The following COL6A3 variants were observed in gnomAD, a reference collection of about 807,000 sequenced individuals.
COL6A3 encodes collagen type VI alpha 3 chain.
COL6A3 carries 137 observed loss-of-function variants against 274.1 expected under a neutral mutation model. The ratio of observed to expected loss-of-function variants is 0.50; its 90% CI spans 0.44 to 0.58. The LOEUF (loss-of-function observed/expected upper bound fraction) is 0.58. Among genes scored for constraint, COL6A3 ranks in the 20% least tolerant of loss-of-function variants. The pLI is 0.00. For missense variants in COL6A3, 3,950 were observed against 4,124.9 expected, an observed-to-expected ratio of 0.96 and a Z score of 1.16; for synonymous variants, 1,650 against 1,650.6, an observed-to-expected ratio of 1.00 and a Z score of 0.01.
intron 32 of COL6A3, among the ~76,000 whole-genome samples, chr2:237,345,598 G>GCTCC (rs2077081869): frequency 6.6e-6 from 1 of 152,122 alleles, no homozygotes; most frequent in East Asian, 1.9e-4. Flanking sequence ...AGCTGCCCTG[G>GCTCC]CTCCCTCCGT....
At position 237,378,692 on chromosome 2, in the gene COL6A3, T is replaced by C. The variant is rs777493148; in HGVS notation, c.2441A>G (p.Gln814Arg). The C allele has an allele frequency of 3.1e-6, 5 of 1,613,722 alleles. No homozygotes were observed. The highest frequency in any genetic ancestry group is 4.2e-6 in the Non-Finnish European group (5 of 1,180,038). ...TCCACTAACATATGTGGTTAGGGGC[T>C]GAATCAGCTGCTGAGGCAAAGCTGG... is the stretch of plus-strand genomic sequence containing the variant. ...SLPALPQQLI[Q>R]PLTTYVSGGV... Residue 814 changes from glutamine (Q) to arginine (R), a missense_variant, in exon 6 of 44, where the codon CAG (glutamine) becomes CGG (arginine). Coordinates refer to ENST00000295550, the MANE Select transcript of COL6A3 (RefSeq NM_004369.4).
intron 42 of COL6A3, among the ~76,000 whole-genome samples, chr2:237,330,383 C>T (rs1296000757): frequency 6.6e-6 from 1 of 152,158 alleles, no homozygotes; most frequent in East Asian, 1.9e-4. Flanking sequence ...TGCTCACTGC[C>T]ATTTACAGGC....
Position 237,350,171 on chromosome 2 carries a change from C to T in COL6A3, c.6855G>A (p.Gly2285=), listed in dbSNP as rs3790993. ...PGEPGPKGGI[G]NRGPRGETGD... ...CCGTCTCCCCACGAGGGCCCCGGTT[C>T]CCGATTCCTCCTTTTGGTCCTGGCT... is the stretch of plus-strand genomic sequence containing the variant. Residue 2285 remains glycine, a synonymous_variant, in exon 28 of 44, where the codon GGG becomes GGA. Transcript: ENST00000295550. 1.9e-6 allele frequency: 3 copies of T among 1,613,724 alleles called. No individual in the cohort carries two copies. Among genetic ancestry groups the T allele is most frequent in the African/African-American group, 1.3e-5 (1 of 74,800 alleles).
intron 42 of COL6A3, 69 bp from the exon 43 acceptor site, chr2:237,325,793 C>T: frequency 7.2e-7 from 1 of 1,390,728 alleles, no homozygotes; most frequent in African/African-American, 1.4e-5. Context: ...AGTGCTGGGG[C>T]TGACAGTCTG....
intron 9 of COL6A3, among the ~76,000 whole-genome samples, chr2:237,370,933 G>C (rs1210493254): frequency 6.6e-6 from 1 of 152,140 alleles, no homozygotes; most frequent in Non-Finnish European, 1.5e-5. Context: ...TCTGAACACA[G>C]ACAAAAAGAA....
intron 27 of COL6A3, among the ~76,000 whole-genome samples, chr2:237,350,710 T>C (rs1012766044): frequency 6.6e-5 from 10 of 152,202 alleles, no homozygotes; most frequent in Non-Finnish European, 1.2e-4. Flanking sequence ...ATGATCTAAA[T>C]GTGATTAGCT....
At chr2:237,388,243 T>A in intron 3 of COL6A3, 59 bp from the exon 4 acceptor site, 1 of 1,607,090 alleles carries the variant, frequency 6.2e-7, no homozygotes, top group Non-Finnish European at 8.5e-7. Context: ...CCACATGCAT[T>A]ATTCAGTGTT....
chr2:237,368,948 G>A lies in COL6A3; in HGVS notation c.4515C>T (p.Arg1505=), dbSNP rs753796763. The A allele has an allele frequency of 6.2e-7, 1 of 1,614,198 alleles. No individual in the cohort carries two copies. The highest frequency in any genetic ancestry group is 2.2e-5 in the East Asian group (1 of 44,882). The stretch of plus-strand genomic sequence containing the variant: ...GTGGGGACCCCCCTCTGAGCCTCAG[G>A]CGCCGTATGGCGTCCAGCACCGGGG... ...SQAPVLDAIR[R]LRLRGGSPLN... Residue 1505 remains arginine (R), a synonymous_variant, in exon 10 of 44, where the codon CGC becomes CGT. Coordinates refer to ENST00000295550, the MANE Select transcript of COL6A3 (RefSeq NM_004369.4). This position sits in a 1 kb window ranked among gnomAD's most constrained non-coding sequence, Gnocchi z 4.4.
intron 39 of COL6A3, among the ~76,000 whole-genome samples, chr2:237,338,601 GAA>G (rs911055664): frequency 6.7e-6 from 1 of 150,364 alleles, no homozygotes; most frequent in African/African-American, 2.4e-5. Context: ...CATCTCTACT[GAA>G]AAAAAAATAC....
In COL6A3 at chr2:237,365,830, G is replaced by C; in HGVS notation, c.5706C>G (p.Asp1902Glu). The C allele has an allele frequency of 1.9e-6, 3 of 1,614,198 alleles. No homozygotes were observed. Among genetic ancestry groups the C allele is most frequent in the Non-Finnish European group, 2.5e-6 (3 of 1,180,048 alleles). The change falls in exon 12 of 44, where the codon GAC becomes GAG. Residue 1902 changes from aspartate (D) to glutamate (E), a missense_variant. Physicochemically the swap from Asp to Glu is conservative, Grantham distance 45 (BLOSUM62 2). Transcript: ENST00000295550. ...NTPSGPVEAFDFDEYQPEMLE... is the reference protein window; with the variant it reads ...NTPSGPVEAFEFDEYQPEMLE... The stretch of plus-strand genomic sequence containing the variant: ...GCATCTCTGGCTGGTACTCGTCAAA[G>C]TCAAAGGCCTCCACCGGGCCCGAGG...
chr2:237,336,651 G>A, intron 39 of COL6A3, 119 bp from the exon 40 acceptor site: 1 of 1,009,918 alleles, frequency 9.9e-7, no homozygotes, highest in Non-Finnish European at 1.5e-6. Context: ...AGTTTTTATA[G>A]ATTATGTATA....
At chr2:237,331,708 G>A (rs1044036706) in intron 42 of COL6A3, among the ~76,000 whole-genome samples, 5 of 133,518 alleles carry the variant, frequency 3.7e-5, no homozygotes, top group Non-Finnish European at 7.9e-5. Flanking sequence ...AATTATGCAG[G>A]GCCTTGTTCT....
Position 237,366,960 on chromosome 2 carries a change from C to T in COL6A3, c.5227G>A (p.Val1743Ile). ...PEAGSRLDQR[V>I]PQIAFVITGG... ...GTGATCACAAAGGCAATCTGAGGGA[C>T]CCGCTGGTCCAGGCGGCTGCCTGCC... Residue 1743 changes from valine to isoleucine, a missense_variant, in exon 11 of 44, where the codon GTC becomes ATC. By Grantham distance (29) the Val-to-Ile change is conservative (BLOSUM62 3). This residue lies in a region of COL6A3 where 632 missense variants were observed against 623.4 expected (regional missense o/e 1.01). Coordinates refer to ENST00000295550, the MANE Select transcript of COL6A3 (RefSeq NM_004369.4). 1.2e-6 allele frequency: 2 copies of T among 1,614,268 alleles called. No individual in the cohort carries two copies. Among genetic ancestry groups the T allele is most frequent in the Non-Finnish European group, 1.7e-6 (2 of 1,180,048 alleles).
Position 237,396,756 on chromosome 2 carries a change from G to A in COL6A3, c.62C>T (p.Pro21Leu). Residue 21 changes from proline to leucine, a missense_variant, in exon 2 of 44, where the codon CCT becomes CTT. Around this residue, in one of 5 missense-constraint regions of COL6A3, gnomAD observed 1,934 missense variants for 1,984.3 expected, o/e 0.97. Transcript: ENST00000295550. ...AVFCLFLSGF[P>L]TTHAQQQQAD... is the part of the protein sequence containing the mutation. ...TTGCTGCTGCTGGGCATGAGTTGTA[G>A]GAAAGCCTGAGAGAAAGAGGCAAAA... is the stretch of plus-strand genomic sequence containing the variant. 1.2e-6 allele frequency: 2 copies of A among 1,614,102 alleles called. No homozygotes were observed. The highest frequency in any genetic ancestry group is 1.7e-5 in the Admixed American group (1 of 60,026).
In COL6A3 at chr2:237,339,007, T is replaced by A; in HGVS notation, c.8567+8A>T. The A allele has an allele frequency of 6.2e-7, 1 of 1,609,984 alleles. No homozygotes were observed. Among genetic ancestry groups the A allele is most frequent in the Non-Finnish European group, 8.5e-7 (1 of 1,176,218 alleles). ...ACAATTTTTAAGACAATAATTATAA[T>A]CACTTACACTTGTTTGTGACCAAAC... On this transcript the variant is annotated splice_region_variant and intron_variant, in intron 39 of 43. Coordinates refer to ENST00000295550, the MANE Select transcript of COL6A3 (RefSeq NM_004369.4).
chr2:237,388,170 C>T lies in COL6A3; in HGVS notation c.724G>A (p.Asp242Asn). Residue 242 changes from aspartate to asparagine, a missense_variant, in exon 4 of 44, where the codon GAC becomes AAC. Asp to Asn is a conservative substitution (Grantham distance 23). Around this residue, in one of 5 missense-constraint regions of COL6A3, gnomAD observed 1,934 missense variants for 1,984.3 expected, o/e 0.97. Transcript: ENST00000295550. ...LKDITAQDSA[D>N]IIFLIDGSNN... ...GATCCATCAATAAGGAAAATAATGT[C>T]AGCAGAGTCTTGTGCTTTAAAAGAA... The T allele has an allele frequency of 6.2e-7, 1 of 1,614,038 alleles. No individual in the cohort carries two copies. The highest frequency in any genetic ancestry group is 8.5e-7 in the Non-Finnish European group (1 of 1,180,030).
chr2:237,359,022 G>C lies in COL6A3; in HGVS notation c.6408+13C>G. The C allele has an allele frequency of 6.2e-7, 1 of 1,612,658 alleles. No individual in the cohort carries two copies. The highest frequency in any genetic ancestry group is 8.5e-7 in the Non-Finnish European group (1 of 1,178,706). ...TTCTTTCCATAATAGCACCACCGTGGAAATACACCTACCCTTCTTCCAGGA... is the reference window on the plus strand; with the variant it reads ...TTCTTTCCATAATAGCACCACCGTGCAAATACACCTACCCTTCTTCCAGGA... On this transcript the variant is annotated intron_variant, in intron 20 of 43. Coordinates refer to ENST00000295550, the MANE Select transcript of COL6A3 (RefSeq NM_004369.4).
chr2:237,390,481 G>A (rs987842863), intron 3 of COL6A3, among the ~76,000 whole-genome samples: 1 of 152,336 alleles, frequency 6.6e-6, no homozygotes, highest in Non-Finnish European at 1.5e-5. Flanking sequence ...CAGCAAGGCG[G>A]ACCAATGACC....
rs950807656 is a variant in COL6A3 at position 237,371,411 on chromosome 2, A to G, written c.4285+321T>C. Among the ~76,000 whole-genome samples the G allele has an allele frequency of 6.6e-5, 10 of 152,134 alleles. No homozygotes were observed. The highest frequency in any genetic ancestry group is 1.3e-4 in the Non-Finnish European group (9 of 68,026). ...CAGGGGCTTGAGACCAGCCTGGCCAACATGGTGAAACCCCGTCTCCACAAA... is the reference window on the plus strand; with the variant it reads ...CAGGGGCTTGAGACCAGCCTGGCCAGCATGGTGAAACCCCGTCTCCACAAA... On this transcript the variant is annotated intron_variant, in intron 9 of 43. Coordinates refer to ENST00000295550, the MANE Select transcript of COL6A3 (RefSeq NM_004369.4). The surrounding 1 kb of genome is among the most constrained non-coding windows in gnomAD (Gnocchi z 4.3).
Sources: gnomAD v4.1 joint callset for allele counts (sites outside exome capture counted in the v4.1 genomes callset) on GRCh38, gnomAD v4.1.1 for gene constraint, gnomAD v4.1.1 regional missense constraint, Gnocchi (gnomAD v3.1) non-coding constraint, MANE v1.5 for transcripts, NCBI Gene and HGNC (gene_info 2026-07-23, HGNC 2026-07-21) for gene names.